The following CDX1 variants were observed in gnomAD, a reference collection of about 807,000 sequenced individuals.
CDX1 encodes the protein homeobox protein CDX-1.
A neutral mutation model predicts 16.9 loss-of-function variants in CDX1; 9 were observed. That is an observed-to-expected ratio of 0.53 (90% CI 0.32 to 0.93). CDX1 has a LOEUF of 0.93. Ranked by LOEUF, CDX1 falls within the 40% of genes least tolerant of loss-of-function variation. CDX1 has a pLI of 0.04. For synonymous variants in CDX1, 179 were observed against 179.0 expected (o/e 1.00, Z 0.00); for missense variants, 393 against 386.1 (o/e 1.02, Z -0.15).
At chr5:150,180,683 C>T (rs560094996) in intron 1 of CDX1, among the ~76,000 whole-genome samples, 5 of 152,164 alleles carry the variant, frequency 3.3e-5, no homozygotes, top group African/African-American at 9.6e-5. Context: ...CTGGTGGGAG[C>T]GTGTGCGGGT....
chr5:150,176,788 G>A (rs373775716), intron 1 of CDX1, among the ~76,000 whole-genome samples: 4 of 152,262 alleles, frequency 2.6e-5, no homozygotes, highest in Non-Finnish European at 5.9e-5. Context: ...CAGGGGCCTC[G>A]TTAAAGATGA....
At chr5:150,183,163 G>T (rs1275405578) in intron 2 of CDX1, among the ~76,000 whole-genome samples, 2 of 152,222 alleles carry the variant, frequency 1.3e-5, no homozygotes, top group African/African-American at 2.4e-5. Context: ...TATTAGTGCT[G>T]TAGGAGGTGC....
chr5:150,178,954 C>T (rs1761607010), intron 1 of CDX1, among the ~76,000 whole-genome samples: 1 of 152,018 alleles, frequency 6.6e-6, no homozygotes, highest in African/African-American at 2.4e-5. Flanking sequence ...AATGCACCAT[C>T]CCTTCTCTCA....
chr5:150,167,077 G>T lies in CDX1; in HGVS notation c.201G>T (p.Ala67=). The T allele has an allele frequency of 2.1e-6, 3 of 1,404,540 alleles. No individual in the cohort carries two copies. The highest frequency in any genetic ancestry group is 3.2e-5 in the Admixed American group (1 of 31,496). The allele number at this position is 1,404,540 out of a possible 1,614,324, so 87.0% of individuals were successfully genotyped here. ...CGGCCTGGGGGGCGCCCTTCCCTGC[G>T]CCCAAGGACGACTGGGCCGCCGCCT... is the stretch of plus-strand genomic sequence containing the variant. The part of the protein sequence containing the change: ...PPTAWGAPFP[A]PKDDWAAAYG... Residue 67 remains alanine (A), a synonymous_variant, in exon 1 of 3, where the codon GCG becomes GCT. Transcript: ENST00000231656.
Position 150,183,517 on chromosome 5 carries a change from T to A in CDX1, c.635T>A (p.Val212Glu). 6.2e-7 allele frequency: 1 copy of A among 1,611,298 alleles called. No individual in the cohort carries two copies. Among genetic ancestry groups the A allele is most frequent in the South Asian group, 1.1e-5 (1 of 90,796 alleles). The change falls in exon 3 of 3, where the codon GTG becomes GAG. Residue 212 changes from valine (V) to glutamate (E), a missense_variant. Val to Glu is a moderately radical substitution (Grantham distance 121). Transcript: ENST00000231656. ...AACCGGCGGGCAAAGGAGCGCAAAG[T>A]GAACAAGAAGAAACAGCAGCAGCAA... ...FQNRRAKERK[V>E]NKKKQQQQQP...
chr5:150,173,230 C>G (rs1761529143), intron 1 of CDX1, among the ~76,000 whole-genome samples: 1 of 152,228 alleles, frequency 6.6e-6, no homozygotes, highest in African/African-American at 2.4e-5. Context: ...TTCAAGCAGG[C>G]AAGCAGTAAT....
chr5:150,175,974 G>A (rs1263209004), intron 1 of CDX1, among the ~76,000 whole-genome samples: 6 of 152,148 alleles, frequency 3.9e-5, no homozygotes, highest in Non-Finnish European at 7.4e-5. Context: ...TGTTCCCCAG[G>A]CAGGGGAAGG....
At position 150,183,709 on chromosome 5, in the gene CDX1, C is replaced by A. The variant is rs1239581983; in HGVS notation, c.*29C>A. 6.7e-7 allele frequency: 1 copy of A among 1,489,632 alleles called. No individual in the cohort carries two copies. The highest frequency in any genetic ancestry group is 9.0e-7 in the Non-Finnish European group (1 of 1,112,936). 92.3% of individuals were successfully genotyped at this position (1,489,632 alleles called of 1,614,324 possible). A position where few individuals can be genotyped will look rare whatever the true frequency, so the allele number is the denominator to read the frequency against. ...CATGCCCAGCCTGTGCGCCGGGGGACCTGGGGACTCGGGTGCTGGGAGTGT... is the reference window on the plus strand; with the variant it reads ...CATGCCCAGCCTGTGCGCCGGGGGAACTGGGGACTCGGGTGCTGGGAGTGT... On this transcript the variant is annotated 3_prime_UTR_variant, in exon 3 of 3. Transcript: ENST00000231656.
chr5:150,176,875 C>T (rs889216016), intron 1 of CDX1, among the ~76,000 whole-genome samples: 1 of 152,224 alleles, frequency 6.6e-6, no homozygotes, highest in African/African-American at 2.4e-5. Context: ...TGTGTACAGA[C>T]GTGCATGCCT....
chr5:150,173,033 C>T (rs74557484), intron 1 of CDX1, among the ~76,000 whole-genome samples: 163 of 152,268 alleles, frequency 1.1e-3, no homozygotes, highest in African/African-American at 3.7e-3. Context: ...CCCCATGCCA[C>T]GCTCACCCCT....
At chr5:150,182,971 C>G in intron 2 of CDX1, 58 bp downstream of exon 2, 1 of 1,538,728 alleles carries the variant, frequency 6.5e-7, no homozygotes, top group Non-Finnish European at 8.7e-7. Context: ...GGTCTCCAGG[C>G]TGCCAGGCAG....
At chr5:150,169,260 G>A (rs887343) in intron 1 of CDX1, among the ~76,000 whole-genome samples, 47,068 of 151,884 alleles carry the variant, frequency 0.31, 7,635 homozygotes, top group Middle Eastern at 0.48. Flanking sequence ...CTCTGGGCAC[G>A]AGAGCTGCTG....
At position 150,183,929 on chromosome 5, in the gene CDX1, C is replaced by T. The variant is rs1226816910; in HGVS notation, c.*249C>T. The T allele has an allele frequency of 8.5e-6, 3 of 352,932 alleles. No individual in the cohort carries two copies. Among genetic ancestry groups the T allele is most frequent in the Admixed American group, 4.6e-5 (1 of 21,648 alleles). The allele number at this position is 352,932 out of a possible 1,614,324, so 21.9% of individuals were successfully genotyped here. On this transcript the variant is annotated 3_prime_UTR_variant, in exon 3 of 3. Transcript: ENST00000231656. ...TCCAGGGTGGATGATCTCAATCTCC[C>T]GTGGGCATCTCAAGCCCCAAATGGT...
intron 1 of CDX1, among the ~76,000 whole-genome samples, chr5:150,172,619 G>T (rs1236506222): frequency 6.6e-6 from 1 of 152,146 alleles, no homozygotes. Flanking sequence ...CAGCCAGGTT[G>T]GGGGGAAAGG....
Position 150,183,495 on chromosome 5 carries a change from CG to C in CDX1, c.615del (p.Arg206GlyfsTer7). On this transcript the variant is annotated frameshift_variant, in exon 3 of 3. Coordinates refer to ENST00000231656, the MANE Select transcript of CDX1 (RefSeq NM_001804.3). LOFTEE classifies it low-confidence loss of function (END_TRUNC). The stretch of plus-strand genomic sequence containing the variant: ...ACAGGTGAAGATCTGGTTCCAAAAC[CG>C]GCGGGCAAAGGAGCGCAAAGTGAAC... ...ERQVKIWFQN[R>X]RAKERKVNKK... 1 of 1,606,396 alleles carries C rather than the reference CG, an allele frequency of 6.2e-7. No individual in the cohort carries two copies. The highest frequency in any genetic ancestry group is 8.5e-7 in the Non-Finnish European group (1 of 1,175,302).
chr5:150,167,027 G>A lies in CDX1; in HGVS notation c.151G>A (p.Val51Met), dbSNP rs1212955150. The change falls in exon 1 of 3, where the codon GTG becomes ATG. Residue 51 changes from valine to methionine, a missense_variant. By Grantham distance (21) the Val-to-Met change is conservative. Transcript: ENST00000231656. ...CCCCGACTTCTCCAGCTACTCTCAC[G>A]TGGAGCCGGCCCCCGCGCCCCCGAC... ...QYPDFSSYSH[V>M]EPAPAPPTAW... 2.1e-6 allele frequency: 3 copies of A among 1,425,328 alleles called. No homozygotes were observed. Among genetic ancestry groups the A allele is most frequent in the Admixed American group, 2.8e-5 (1 of 35,782 alleles). The allele number at this position is 1,425,328 out of a possible 1,614,324, so 88.3% of individuals were successfully genotyped here.
intron 1 of CDX1, among the ~76,000 whole-genome samples, chr5:150,173,488 C>T (rs1761532373): frequency 6.6e-6 from 1 of 152,174 alleles, no homozygotes. Flanking sequence ...CTGGAGACCT[C>T]CCCCAGCTAA....
chr5:150,167,373 C>T, intron 1 of CDX1, 52 bp downstream of exon 1: 1 of 1,186,738 alleles, frequency 8.4e-7, no homozygotes, highest in Admixed American at 4.2e-5. Context: ...TGCTCGGGCG[C>T]GGCCCAGGCC....
At chr5:150,178,278 C>A (rs1761594603) in intron 1 of CDX1, among the ~76,000 whole-genome samples, 1 of 152,168 alleles carries the variant, frequency 6.6e-6, no homozygotes, top group African/African-American at 2.4e-5. Flanking sequence ...GAGAAAGCCT[C>A]CCATTTCGGT....
Sources: allele counts gnomAD v4.1 joint callset (sites outside exome capture counted in the v4.1 genomes callset), GRCh38; gene constraint gnomAD v4.1.1; transcripts MANE v1.5; gene names NCBI Gene and HGNC (gene_info 2026-07-23, HGNC 2026-07-21).